The following GRAP2 variants were observed in gnomAD, a reference collection of about 807,000 sequenced individuals.
GRAP2 encodes the protein GRB2 related adaptor protein 2, also known as GRB2-related adapter protein 2.
GRAP2 carries 31 observed loss-of-function variants against 43.5 expected under a neutral mutation model. The ratio of observed to expected loss-of-function variants is 0.71; its 90% CI spans 0.54 to 0.96. The LOEUF (loss-of-function observed/expected upper bound fraction) is 0.96, where lower values mean the gene tolerates loss of function less well. GRAP2 is among the 40% of genes least tolerant of loss of function. The pLI, the probability that GRAP2 is intolerant of heterozygous loss-of-function variation, is 0.00. For synonymous variants in GRAP2, 156 were observed against 164.8 expected, an observed-to-expected ratio of 0.95 and a Z score of 0.41; for missense variants, 371 against 424.4, an observed-to-expected ratio of 0.87 and a Z score of 1.11.
chr22:39,966,805 C>G (rs1014166880), intron 5 of GRAP2, among the ~76,000 whole-genome samples: 2 of 152,158 alleles, frequency 1.3e-5, no homozygotes, highest in Non-Finnish European at 2.9e-5. Context: ...TATTACCTAG[C>G]CAAGTTAAGA....
chr22:39,946,343 G>A (rs1655783163), intron 1 of GRAP2, among the ~76,000 whole-genome samples: 1 of 152,078 alleles, frequency 6.6e-6, no homozygotes, highest in Non-Finnish European at 1.5e-5. Flanking sequence ...GCCTCCTAAA[G>A]CACAGCTCTA....
At chr22:39,959,085 C>T (rs1421645600) in intron 3 of GRAP2, among the ~76,000 whole-genome samples, 1 of 152,206 alleles carries the variant, frequency 6.6e-6, no homozygotes, top group Non-Finnish European at 1.5e-5. Flanking sequence ...CTGGTGACAG[C>T]AATTAGAGCA....
chr22:39,944,002 G>C (rs562292922), intron 1 of GRAP2, among the ~76,000 whole-genome samples: 29 of 152,214 alleles, frequency 1.9e-4, no homozygotes, highest in South Asian at 1.5e-3. Flanking sequence ...ACTGTGCCTG[G>C]CCGAGGGGTC....
rs1042986607 is a variant in GRAP2, at chr22:39,970,852, C to G, written c.814-53C>G. On this transcript the variant is annotated intron_variant, in intron 7 of 7. Transcript: ENST00000344138. Reference sequence around the variant, plus strand: ...GTGGGAGGAGCCAGCAGACCCTCCCCTGCCTGCCCAGCCCACAGCTCAGCA... The same window carrying G: ...GTGGGAGGAGCCAGCAGACCCTCCCGTGCCTGCCCAGCCCACAGCTCAGCA... 6 of 1,470,712 alleles carry G rather than the reference C, an allele frequency of 4.1e-6. No homozygotes were observed. The Admixed American group carries it at 1.1e-4, about 28-fold the overall frequency. The allele number at this position is 1,470,712 out of a possible 1,614,324, so 91.1% of individuals were successfully genotyped here. A position where few individuals can be genotyped will look rare whatever the true frequency, so the allele number is the denominator to read the frequency against.
chr22:39,968,360 G>T, intron 6 of GRAP2, 88 bp downstream of exon 6: 3 of 1,495,438 alleles, frequency 2.0e-6, no homozygotes, highest in South Asian at 1.3e-5. Context: ...TGAGTTCTCA[G>T]AGAGTTCATG....
intron 3 of GRAP2, among the ~76,000 whole-genome samples, chr22:39,958,711 G>C (rs560843295): frequency 2.0e-4 from 30 of 152,298 alleles, no homozygotes; most frequent in African/African-American, 6.0e-4. Context: ...CTTCACTTCT[G>C]AAATGTTTCC....
intron 4 of GRAP2, among the ~76,000 whole-genome samples, chr22:39,961,527 G>T (rs150622835): frequency 2.0e-5 from 3 of 152,300 alleles, no homozygotes; most frequent in South Asian, 2.1e-4. Context: ...GGCCAGGAGT[G>T]GGGGAGGACT....
intron 1 of GRAP2, among the ~76,000 whole-genome samples, chr22:39,937,250 G>A (rs925863374): frequency 2.6e-5 from 4 of 152,164 alleles, no homozygotes; most frequent in African/African-American, 9.7e-5. Flanking sequence ...CAGTCTGGGT[G>A]GTGTGTGTCC....
rs566033363 is a variant in GRAP2, at chr22:39,927,474, G to A, written c.-14-19619G>A. 2.0e-5 allele frequency among the ~76,000 whole-genome samples: 3 copies of A among 152,330 alleles called. No individual in the cohort carries two copies. The East Asian group carries it at 5.8e-4, about 29-fold the overall frequency. On this transcript the variant is annotated intron_variant, in intron 1 of 7. Coordinates refer to ENST00000344138, the MANE Select transcript of GRAP2 (RefSeq NM_004810.4). Reference sequence around the variant, plus strand: ...AGTCACATCTGGTGGCATTCCTGTTGTCTGAATGGAGAGCAAGGTCTTTTT... The same window carrying A: ...AGTCACATCTGGTGGCATTCCTGTTATCTGAATGGAGAGCAAGGTCTTTTT...
In GRAP2 at chr22:39,966,155, C is replaced by A; in HGVS notation, c.456C>A (p.Asp152Glu). 6.2e-7 allele frequency: 1 copy of A among 1,613,476 alleles called. No individual in the cohort carries two copies. Among genetic ancestry groups the A allele is most frequent in the Non-Finnish European group, 8.5e-7 (1 of 1,179,466 alleles). Residue 152 changes from aspartate to glutamate, a missense_variant, in exon 5 of 8, where the codon GAC (aspartate) becomes GAA (glutamate). Transcript: ENST00000344138. The part of the protein sequence containing the change: ...QIFLRDRTRE[D>E]QGHRGNSLDR... ...TCCTTAGAGACAGAACCCGAGAAGA[C>A]CAGGTATGCTCCAGATCCAGTCGAC...
At chr22:39,911,989 C>T (rs996666382) in intron 1 of GRAP2, among the ~76,000 whole-genome samples, 8 of 152,142 alleles carry the variant, frequency 5.3e-5, no homozygotes, top group African/African-American at 1.9e-4. Context: ...CCGCTGTAGA[C>T]CTTATGTTGT....
chr22:39,966,269 A>T, intron 5 of GRAP2, 111 bp downstream of exon 5: 1 of 796,804 alleles, frequency 1.3e-6, no homozygotes, highest in Non-Finnish European at 2.0e-6. Flanking sequence ...AGTATACTGA[A>T]AGACAGAGCT....
chr22:39,925,206 C>T (rs1438718597), intron 1 of GRAP2, among the ~76,000 whole-genome samples: 1 of 152,142 alleles, frequency 6.6e-6, no homozygotes, highest in Admixed American at 6.5e-5. Context: ...CTAAATCTAG[C>T]AGGGATCAGT....
the GRAP2 span, among the ~76,000 whole-genome samples, chr22:39,895,970 T>G: frequency 6.6e-6 from 1 of 152,318 alleles, no homozygotes; most frequent in Non-Finnish European, 1.5e-5. Flanking sequence ...ACCTGAAACT[T>G]GAACCCAAAT....
chr22:39,956,076 G>A, intron 3 of GRAP2, among the ~76,000 whole-genome samples, 166 bp downstream of exon 3: 1 of 152,176 alleles, frequency 6.6e-6, no homozygotes. Context: ...GCCAGGGCAG[G>A]AGGGAGACTT....
At chr22:39,963,733 C>T (rs1408614357) in intron 4 of GRAP2, among the ~76,000 whole-genome samples, 1 of 152,140 alleles carries the variant, frequency 6.6e-6, no homozygotes, top group African/African-American at 2.4e-5. Flanking sequence ...AAGAAACCTC[C>T]ATGGTCAGGC....
chr22:39,916,741 CG>C (rs1406208846), intron 1 of GRAP2, among the ~76,000 whole-genome samples: 3 of 152,156 alleles, frequency 2.0e-5, no homozygotes, highest in Non-Finnish European at 4.4e-5. Context: ...GTGCAGAGTG[CG>C]GGGCTCTTGG....
chr22:39,898,901 T>G (rs548016804), upstream of GRAP2, among the ~76,000 whole-genome samples: 42 of 152,208 alleles, frequency 2.8e-4, no homozygotes, highest in Non-Finnish European at 4.6e-4. Flanking sequence ...TAAAAAAATT[T>G]TAAACAAAGT....
chr22:39,925,712 C>T (rs1406352238), intron 1 of GRAP2, among the ~76,000 whole-genome samples: 2 of 152,178 alleles, frequency 1.3e-5, no homozygotes, highest in African/African-American at 2.4e-5. Flanking sequence ...AATGAAGGAG[C>T]TGTTTGTGTT....
Sources: gnomAD v4.1 joint callset for allele counts (sites outside exome capture counted in the v4.1 genomes callset) on GRCh38, gnomAD v4.1.1 for gene constraint, MANE v1.5 for transcripts, NCBI Gene and HGNC (gene_info 2026-07-23, HGNC 2026-07-21) for gene names.